The following CWC27 variants were observed in gnomAD, a reference collection of about 807,000 sequenced individuals.
CWC27 encodes the protein spliceosome-associated protein CWC27 homolog.
CWC27 carries 47 observed loss-of-function variants against 63.6 expected under a neutral mutation model. The ratio of observed to expected loss-of-function variants is 0.74; its 90% CI spans 0.58 to 0.94. CWC27 has a LOEUF of 0.94. CWC27 is among the 40% of genes least tolerant of loss of function. CWC27 has a pLI of 0.00. For synonymous variants in CWC27, 175 were observed against 179.8 expected (o/e 0.97, Z 0.22); for missense variants, 495 against 554.3 (o/e 0.89, Z 1.07).
At chr5:65,017,504 A>G (rs759103606) in intron 13 of CWC27, among the ~76,000 whole-genome samples, 4 of 152,230 alleles carry the variant, frequency 2.6e-5, no homozygotes, top group African/African-American at 4.8e-5. Context: ...TGATACCTTA[A>G]GACCAGTAAG....
chr5:65,016,625 A>G (rs1400406054), intron 13 of CWC27, among the ~76,000 whole-genome samples: 1 of 152,198 alleles, frequency 6.6e-6, no homozygotes, highest in Non-Finnish European at 1.5e-5. Flanking sequence ...GAAACGGTAC[A>G]TAAGTCTCAA....
At chr5:64,841,775 A>C (rs918436471) in intron 10 of CWC27, among the ~76,000 whole-genome samples, 6 of 152,184 alleles carry the variant, frequency 3.9e-5, no homozygotes, top group Admixed American at 6.5e-5. Flanking sequence ...TCCTGGATTC[A>C]GGCGATTCTC....
At chr5:64,954,788 A>G (rs565400589) in intron 11 of CWC27, among the ~76,000 whole-genome samples, 12 of 151,524 alleles carry the variant, frequency 7.9e-5, no homozygotes, top group African/African-American at 2.9e-4. Context: ...ATATATATAT[A>G]TATATGTATG....
intron 11 of CWC27, among the ~76,000 whole-genome samples, chr5:64,964,143 A>T (rs1043420248): frequency 5.9e-5 from 9 of 152,196 alleles, no homozygotes; most frequent in African/African-American, 2.2e-4. Flanking sequence ...TGCAAAGGTG[A>T]TTTACTTTTT....
At chr5:64,824,978 C>T (rs1291997006) in intron 10 of CWC27, among the ~76,000 whole-genome samples, 3 of 151,966 alleles carry the variant, frequency 2.0e-5, no homozygotes, top group Non-Finnish European at 2.9e-5. Flanking sequence ...ATGATCCACC[C>T]GCCTCGGCCT....
chr5:64,784,574 T>C (rs1743815679), intron 4 of CWC27, among the ~76,000 whole-genome samples: 1 of 152,194 alleles, frequency 6.6e-6, no homozygotes, highest in Admixed American at 6.5e-5. Flanking sequence ...CTTAGGCATA[T>C]CGGACATCAC....
intron 10 of CWC27, among the ~76,000 whole-genome samples, chr5:64,858,030 C>G (rs1479781320): frequency 6.8e-5 from 9 of 132,762 alleles, no homozygotes; most frequent in Admixed American, 2.5e-4. Context: ...CCCAGCTACT[C>G]GGGAGGCTGA....
At chr5:64,864,831 T>C (rs982576668) in intron 10 of CWC27, among the ~76,000 whole-genome samples, 4 of 152,154 alleles carry the variant, frequency 2.6e-5, no homozygotes, top group Admixed American at 2.6e-4. Context: ...ATGTATATAT[T>C]GTGGTATGAT....
At chr5:64,843,166 G>GT (rs768848154) in intron 10 of CWC27, among the ~76,000 whole-genome samples, 45 of 152,316 alleles carry the variant, frequency 3.0e-4, no homozygotes, top group Non-Finnish European at 6.3e-4. Flanking sequence ...AAGGAAGATA[G>GT]TAAGTATTTT....
chr5:64,906,834 A>G (rs1747653792), intron 11 of CWC27, among the ~76,000 whole-genome samples: 1 of 152,044 alleles, frequency 6.6e-6, no homozygotes, highest in Admixed American at 6.6e-5. Flanking sequence ...ATTCATCTTG[A>G]ATTAATTTTT....
chr5:64,956,326 A>C (rs145260531), intron 11 of CWC27, among the ~76,000 whole-genome samples: 3 of 152,100 alleles, frequency 2.0e-5, no homozygotes, highest in African/African-American at 7.2e-5. Flanking sequence ...GCATTCAGAG[A>C]CTTTCATGAT....
At chr5:64,935,100 T>C (rs1748319618) in intron 11 of CWC27, among the ~76,000 whole-genome samples, 1 of 152,230 alleles carries the variant, frequency 6.6e-6, no homozygotes, top group Admixed American at 6.5e-5. Flanking sequence ...AGAAGCTCTT[T>C]AGTTTAATTA....
At chr5:65,015,224 T>C (rs539195385) in intron 13 of CWC27, among the ~76,000 whole-genome samples, 12 of 152,350 alleles carry the variant, frequency 7.9e-5, no homozygotes, top group South Asian at 6.2e-4. Context: ...GGTGCCTTTT[T>C]ATATTCTTAA....
intron 8 of CWC27, among the ~76,000 whole-genome samples, chr5:64,800,861 A>G (rs1398880387): frequency 1.3e-5 from 2 of 152,166 alleles, no homozygotes; most frequent in African/African-American, 4.8e-5. Context: ...AAACTGGGCC[A>G]GTATCTCAAG....
chr5:64,769,340 A>G (rs1310451114), intron 1 of CWC27, 152 bp downstream of exon 1: 2 of 699,834 alleles, frequency 2.9e-6, no homozygotes, highest in Non-Finnish European at 5.1e-6. Flanking sequence ...TGTTGCATCG[A>G]AACACTGATG....
chr5:64,820,344 A>G (rs889383414), intron 10 of CWC27, among the ~76,000 whole-genome samples: 11 of 152,292 alleles, frequency 7.2e-5, no homozygotes, highest in African/African-American at 2.6e-4. Context: ...ATATTGTGCT[A>G]TTGTACAACA....
chr5:64,789,185 C>G (rs1244463903), intron 7 of CWC27, among the ~76,000 whole-genome samples, 165 bp downstream of exon 7: 3 of 151,910 alleles, frequency 2.0e-5, no homozygotes, highest in African/African-American at 7.2e-5. Context: ...GTAATATTTG[C>G]AACTTTTGAG....
rs1464147143 is a variant in CWC27, at chr5:64,770,224, T to C, written c.42+1036T>C. Among the ~76,000 whole-genome samples the C allele has an allele frequency of 5.3e-5, 8 of 152,352 alleles. No homozygotes were observed. In the East Asian group the frequency reaches 1.5e-3, roughly 29 times the overall value. On this transcript the variant is annotated intron_variant, in intron 1 of 13. Transcript: ENST00000381070. The stretch of plus-strand genomic sequence containing the variant: ...CCCAGCAAAAATGTAATGGATATTT[T>C]ATGGGCAGACCAATTCTTTCAATTC...
rs77530585 is a variant in CWC27 at position 64,780,878 on chromosome 5, G to A, written c.140-1043G>A. On this transcript the variant is annotated intron_variant, in intron 2 of 13. Coordinates refer to ENST00000381070, the MANE Select transcript of CWC27 (RefSeq NM_005869.4). ...TGTTAGCCATTCTAGTGGGTGTGAA[G>A]TAGTATCTGATTGTGGTTTTGATTT... Among the ~76,000 whole-genome samples, 1,151 of 152,092 alleles carry A rather than the reference G, an allele frequency of 7.6e-3. 10 individuals carry two copies. Among genetic ancestry groups the A allele is most frequent in the African/African-American group, 0.015 (620 of 41,498 alleles).
Sources: gnomAD v4.1 joint callset for allele counts (sites outside exome capture counted in the v4.1 genomes callset) on GRCh38, gnomAD v4.1.1 for gene constraint, MANE v1.5 for transcripts, NCBI Gene and HGNC (gene_info 2026-07-23, HGNC 2026-07-21) for gene names.